RBPMS: variants seen among roughly 807,000 people sequenced by gnomAD.
RBPMS encodes the protein RNA-binding protein with multiple splicing.
RBPMS carries 7 observed loss-of-function variants against 26.8 expected under a neutral mutation model. The ratio of observed to expected loss-of-function variants is 0.26; its 90% CI spans 0.15 to 0.49. The LOEUF (loss-of-function observed/expected upper bound fraction) is 0.49, where lower values mean the gene tolerates loss of function less well. RBPMS is among the 20% of genes least tolerant of loss of function. The pLI is 0.98. For synonymous variants in RBPMS, 96 were observed against 93.3 expected (o/e 1.03, Z -0.17); for missense variants, 186 against 250.0 (o/e 0.74, Z 1.73).
At chr8:30,414,636 C>T (rs1809846773) in intron 1 of RBPMS, among the ~76,000 whole-genome samples, 2 of 152,188 alleles carry the variant, frequency 1.3e-5, no homozygotes, top group South Asian at 2.1e-4. Context: ...ATGGATAGTA[C>T]ACTATCTGTG....
At position 30,455,259 on chromosome 8, in the gene RBPMS, G is replaced by A. The variant is rs181384775; in HGVS notation, c.67-19520G>A. Among the ~76,000 whole-genome samples the A allele has an allele frequency of 8.9e-4, 136 of 152,232 alleles. 1 individual carries two copies. The highest frequency in any genetic ancestry group is 1.5e-4 in the Non-Finnish European group (10 of 68,024). ...AAATAATTTAAATACTACCCAGTTAGGGCTTTCTCTAAGTGAGTGTGTCAT... is the reference window on the plus strand; with the variant it reads ...AAATAATTTAAATACTACCCAGTTAAGGCTTTCTCTAAGTGAGTGTGTCAT... On this transcript the variant is annotated intron_variant, in intron 1 of 8. Transcript: ENST00000397323.
intron 1 of RBPMS, among the ~76,000 whole-genome samples, chr8:30,425,844 C>T (rs143842817): frequency 5.9e-5 from 9 of 152,268 alleles, no homozygotes; most frequent in African/African-American, 2.2e-4. Flanking sequence ...AGGTACAGTT[C>T]TGAGCCCCAT....
intron 6 of RBPMS, chr8:30,553,194 T>C (rs1826540759): frequency 6.6e-6 from 1 of 151,984 alleles, no homozygotes; most frequent in South Asian, 2.1e-4. Flanking sequence ...TGAGAAAGAG[T>C]ATAGGCTGCC....
At position 30,504,371 on chromosome 8, in the gene RBPMS, T is replaced by G. The variant is rs1054794262; in HGVS notation, c.332T>G (p.Val111Gly). Residue 111 changes from valine to glycine, a missense_variant, in exon 5 of 9, where the codon GTA (valine) becomes GGA (glycine). Around this residue, in one of 3 missense-constraint regions of RBPMS, gnomAD observed 98 missense variants for 113.6 expected, o/e 0.86. Transcript: ENST00000397323. ...ACGAAGATGGCCAAGAACAAACTCG[T>G]AGGGACTCCAAACCCCAGTACTCCT... ...ANTKMAKNKL[V>G]GTPNPSTPLP... 1.9e-6 allele frequency: 3 copies of G among 1,614,072 alleles called. No individual in the cohort carries two copies. Among genetic ancestry groups the G allele is most frequent in the Non-Finnish European group, 2.5e-6 (3 of 1,179,990 alleles).
chr8:30,531,373 A>T (rs1409087218), intron 5 of RBPMS, among the ~76,000 whole-genome samples: 1 of 152,182 alleles, frequency 6.6e-6, no homozygotes, highest in African/African-American at 2.4e-5. Flanking sequence ...TCATGCCCAG[A>T]TTTCCTTGAT....
intron 1 of RBPMS, among the ~76,000 whole-genome samples, chr8:30,433,451 G>A (rs1288929058): frequency 6.6e-6 from 1 of 152,098 alleles, no homozygotes; most frequent in Non-Finnish European, 1.5e-5. Flanking sequence ...ATCAAGGATC[G>A]CTTGAACCCA....
At chr8:30,386,512 T>G (rs560852575) in intron 1 of RBPMS, among the ~76,000 whole-genome samples, 1 of 152,358 alleles carries the variant, frequency 6.6e-6, no homozygotes, top group South Asian at 2.1e-4. Context: ...TATAAAAGAC[T>G]ATTTGAAGAG....
chr8:30,545,025 T>C, intron 6 of RBPMS: 1 of 1,423,580 alleles, frequency 7.0e-7, no homozygotes, highest in Non-Finnish European at 9.2e-7. Context: ...TCTGTGCGTG[T>C]TTCTGTGTGT....
Position 30,561,284 on chromosome 8 carries a change from T to C in RBPMS, c.*7+2328T>C, listed in dbSNP as rs193127095. On this transcript the variant is annotated intron_variant, in intron 7 of 8. Coordinates refer to ENST00000397323, the MANE Select transcript of RBPMS (RefSeq NM_001008710.3). ...ATGTTTCGTCTTCATATGCCCATAA[T>C]TGACTTTTAAATACAGATCCCAAAG... Among the ~76,000 whole-genome samples, 15 of 152,266 alleles carry C rather than the reference T, an allele frequency of 9.9e-5. 1 individual carries two copies. In the East Asian group the frequency reaches 1.9e-3, roughly 20 times the overall value.
At chr8:30,549,423 C>A (rs1826113729) in intron 6 of RBPMS, 3 of 1,289,474 alleles carry the variant, frequency 2.3e-6, no homozygotes, top group Admixed American at 1.7e-5. Flanking sequence ...GCTGTTCTGC[C>A]CAAGGCCTTC....
chr8:30,453,035 CATT>C (rs755569677), intron 1 of RBPMS, among the ~76,000 whole-genome samples: 18 of 152,144 alleles, frequency 1.2e-4, no homozygotes, highest in Non-Finnish European at 2.5e-4. Flanking sequence ...CTCGTGGATT[CATT>C]GTGGTCTCTG....
At position 30,409,176 on chromosome 8, in the gene RBPMS, T is replaced by C. The variant is rs76225385; in HGVS notation, c.66+24018T>C. On this transcript the variant is annotated intron_variant, in intron 1 of 8. Coordinates refer to ENST00000397323, the MANE Select transcript of RBPMS (RefSeq NM_001008710.3). ...TTCCACCTCTGGGTCCCTCAATGTC[T>C]AGTGCCTAGAGCGTTTTCTCTTTTT... Among the ~76,000 whole-genome samples, 287 of 152,250 alleles carry C rather than the reference T, an allele frequency of 1.9e-3. 1 individual carries two copies. The highest frequency in any genetic ancestry group is 3.2e-3 in the Non-Finnish European group (221 of 68,014).
At chr8:30,509,228 C>T (rs1251931068) in intron 5 of RBPMS, among the ~76,000 whole-genome samples, 2 of 152,136 alleles carry the variant, frequency 1.3e-5, no homozygotes, top group Non-Finnish European at 2.9e-5. Context: ...TTCTCCTTTG[C>T]CCCTGCACCT....
At chr8:30,467,385 G>A (rs1311985594) in intron 1 of RBPMS, among the ~76,000 whole-genome samples, 1 of 152,136 alleles carries the variant, frequency 6.6e-6, no homozygotes, top group Non-Finnish European at 1.5e-5. Context: ...CTGATGCCCC[G>A]CTTGTGCATT....
At chr8:30,517,853 T>C (rs1255787898) in intron 5 of RBPMS, among the ~76,000 whole-genome samples, 1 of 152,158 alleles carries the variant, frequency 6.6e-6, no homozygotes, top group East Asian at 1.9e-4. Flanking sequence ...TAAGTAGAAA[T>C]TGTGGAAACA....
intron 4 of RBPMS, among the ~76,000 whole-genome samples, chr8:30,490,879 A>G (rs1409687752): frequency 1.3e-5 from 2 of 152,112 alleles, no homozygotes; most frequent in Non-Finnish European, 2.9e-5. Context: ...GTTTTGCCTC[A>G]CTTTGTTTTG....
chr8:30,536,308 G>A (rs1417649142), intron 5 of RBPMS, among the ~76,000 whole-genome samples: 1 of 152,112 alleles, frequency 6.6e-6, no homozygotes, highest in Non-Finnish European at 1.5e-5. Context: ...TGTAGTTTTA[G>A]TGGAGACGGG....
At chr8:30,483,367 C>G (rs537345268) in intron 4 of RBPMS, among the ~76,000 whole-genome samples, 1 of 152,290 alleles carries the variant, frequency 6.6e-6, no homozygotes, top group South Asian at 2.1e-4. Flanking sequence ...CTAGAGAAGT[C>G]TGTACATCAC....
intron 1 of RBPMS, among the ~76,000 whole-genome samples, chr8:30,424,077 A>G (rs769744921): frequency 1.3e-5 from 2 of 152,132 alleles, no homozygotes; most frequent in African/African-American, 2.4e-5. Context: ...ACCTCAAGGA[A>G]TCTGCCCACC....
Sources: gnomAD v4.1 joint callset for allele counts (sites outside exome capture counted in the v4.1 genomes callset) on GRCh38, gnomAD v4.1.1 for gene constraint, gnomAD v4.1.1 regional missense constraint, MANE v1.5 for transcripts, NCBI Gene and HGNC (gene_info 2026-07-23, HGNC 2026-07-21) for gene names.